The following FHIT variants were observed in gnomAD, a reference collection of about 807,000 sequenced individuals.
FHIT encodes fragile histidine triad diadenosine triphosphatase, also known as bis(5'-adenosyl)-triphosphatase.
In FHIT, 19 loss-of-function variants were observed where a neutral mutation model predicts 17.9. The ratio of observed to expected loss-of-function variants is 1.06; its 90% CI spans 0.74 to 1.56. The LOEUF (loss-of-function observed/expected upper bound fraction) is 1.56, where lower values mean the gene tolerates loss of function less well. Ranked by LOEUF, FHIT falls within the 40% of genes most tolerant of loss-of-function variation. The probability of loss-of-function intolerance (pLI) is 0.00; values close to 1 mark genes in which losing one functional copy is unlikely to be tolerated. For synonymous variants in FHIT, 81 were observed against 69.7 expected, an observed-to-expected ratio of 1.16 and a Z score of -0.81; for missense variants, 248 against 189.2, an observed-to-expected ratio of 1.31 and a Z score of -1.82.
At chr3:60,511,949 AGAT>A (rs1163186534) in intron 5 of FHIT, among the ~76,000 whole-genome samples, 1 of 152,198 alleles carries the variant, frequency 6.6e-6, no homozygotes, top group Non-Finnish European at 1.5e-5. Context: ...TCAGTTTACT[AGAT>A]GAGAGAGAAA....
chr3:60,455,940 C>A (rs2032062409), intron 5 of FHIT, among the ~76,000 whole-genome samples: 2 of 152,136 alleles, frequency 1.3e-5, no homozygotes, highest in Non-Finnish European at 2.9e-5. Context: ...AGCTCTAATA[C>A]CTTTAGCAAT....
chr3:60,477,764 C>G (rs1344628478), intron 5 of FHIT, among the ~76,000 whole-genome samples: 2 of 152,094 alleles, frequency 1.3e-5, no homozygotes, highest in African/African-American at 4.8e-5. Flanking sequence ...CAGGTAGAGA[C>G]CATAGTAAAC....
chr3:59,808,179 C>G (rs1175186322), intron 8 of FHIT, among the ~76,000 whole-genome samples: 1 of 152,116 alleles, frequency 6.6e-6, no homozygotes, highest in African/African-American at 2.4e-5. Context: ...TGGAATCATA[C>G]AATATGTGGC....
intron 5 of FHIT, among the ~76,000 whole-genome samples, chr3:60,255,342 C>T (rs185832080): frequency 6.6e-6 from 1 of 152,262 alleles, no homozygotes; most frequent in East Asian, 1.9e-4. Context: ...GCAGAAACAA[C>T]TCCAAACCTT....
chr3:60,191,029 C>T (rs1702381497), intron 5 of FHIT, among the ~76,000 whole-genome samples: 1 of 152,054 alleles, frequency 6.6e-6, no homozygotes. Flanking sequence ...TATTGAACAT[C>T]TGCTTTGCTT....
chr3:59,885,447 T>TG (rs1307895172), intron 8 of FHIT, among the ~76,000 whole-genome samples: 4 of 151,944 alleles, frequency 2.6e-5, no homozygotes, highest in African/African-American at 9.7e-5. Context: ...GATGCTTTTT[T>TG]TTTTTTTTTT....
intron 5 of FHIT, among the ~76,000 whole-genome samples, chr3:60,454,661 G>C (rs2031974287): frequency 6.6e-6 from 1 of 152,026 alleles, no homozygotes; most frequent in Admixed American, 6.6e-5. Context: ...TGGGATTATA[G>C]GTGTGAGCCA....
intron 4 of FHIT, among the ~76,000 whole-genome samples, chr3:60,680,673 C>T (rs2040726199): frequency 6.6e-6 from 1 of 150,598 alleles, no homozygotes; most frequent in Admixed American, 6.7e-5. Flanking sequence ...ATTTTCAAAA[C>T]ATATTCAGTA....
At chr3:59,891,460 C>T (rs1246701445) in intron 8 of FHIT, among the ~76,000 whole-genome samples, 1 of 152,214 alleles carries the variant, frequency 6.6e-6, no homozygotes, top group Non-Finnish European at 1.5e-5. Context: ...CTGAGAAGGA[C>T]TGAGGCTGCA....
chr3:60,449,725 G>C (rs2031591415), intron 5 of FHIT, among the ~76,000 whole-genome samples: 1 of 151,976 alleles, frequency 6.6e-6, no homozygotes, highest in South Asian at 2.1e-4. Flanking sequence ...ACAAAAGGTA[G>C]CTGGCGTGGT....
At chr3:61,182,391 A>G (rs2038369562) in intron 2 of FHIT, among the ~76,000 whole-genome samples, 1 of 152,212 alleles carries the variant, frequency 6.6e-6, no homozygotes, top group Non-Finnish European at 1.5e-5. Flanking sequence ...TTCTCTTTAA[A>G]TCAACTCAAT....
At chr3:61,233,016 T>C (rs1252581666) in intron 1 of FHIT, among the ~76,000 whole-genome samples, 1 of 152,290 alleles carries the variant, frequency 6.6e-6, no homozygotes, top group Admixed American at 6.5e-5. Context: ...GGTACAAAGA[T>C]GAGGGTATGA....
chr3:60,566,437 G>C (rs1239036257), intron 4 of FHIT, among the ~76,000 whole-genome samples: 1 of 152,134 alleles, frequency 6.6e-6, no homozygotes. Context: ...CTCAATAAAT[G>C]AGGTATTGAT....
intron 5 of FHIT, among the ~76,000 whole-genome samples, chr3:60,509,539 T>C (rs573684516): frequency 6.6e-6 from 1 of 152,248 alleles, no homozygotes; most frequent in East Asian, 1.9e-4. Context: ...AAATGGAATT[T>C]GTAAAAAGCC....
chr3:60,474,188 C>A (rs1043320012), intron 5 of FHIT, among the ~76,000 whole-genome samples: 2 of 152,166 alleles, frequency 1.3e-5, no homozygotes, highest in African/African-American at 4.8e-5. Context: ...ACCCTGACTG[C>A]ACCAGCACCA....
At chr3:61,237,444 T>C (rs2040260101) in intron 1 of FHIT, among the ~76,000 whole-genome samples, 1 of 152,380 alleles carries the variant, frequency 6.6e-6, no homozygotes, top group Middle Eastern at 3.4e-3. Context: ...TCCTGGGTTG[T>C]TGTTCATCAA....
chr3:60,803,860 C>T (rs1464963760), intron 4 of FHIT, among the ~76,000 whole-genome samples: 1 of 151,510 alleles, frequency 6.6e-6, no homozygotes, highest in Non-Finnish European at 1.5e-5. Context: ...GCCAAGCCTT[C>T]TTCAGAAGAG....
At chr3:60,820,375 A>C (rs2106762593) in intron 4 of FHIT, among the ~76,000 whole-genome samples, 1 of 152,292 alleles carries the variant, frequency 6.6e-6, no homozygotes, top group Non-Finnish European at 1.5e-5. Flanking sequence ...AAATAATTAT[A>C]TGTAAAGGCT....
chr3:61,173,277 A>C (rs1240177694), intron 2 of FHIT, among the ~76,000 whole-genome samples: 2 of 152,164 alleles, frequency 1.3e-5, no homozygotes, highest in African/African-American at 2.4e-5. Flanking sequence ...TGAAAAGAAA[A>C]AAAAAATCTC....
Sources: allele counts gnomAD v4.1 joint callset (sites outside exome capture counted in the v4.1 genomes callset), GRCh38; gene constraint gnomAD v4.1.1; transcripts MANE v1.5; gene names NCBI Gene and HGNC (gene_info 2026-07-23, HGNC 2026-07-21).